The following PDE4B variants were observed in gnomAD, a reference collection of about 807,000 sequenced individuals.
The protein encoded by PDE4B is 3',5'-cyclic-AMP phosphodiesterase 4B.
Under a neutral mutation model 82.2 loss-of-function variants are expected in PDE4B, and 20 were observed. The observed-to-expected ratio is 0.24, with a 90% CI of 0.17 to 0.35. The LOEUF (loss-of-function observed/expected upper bound fraction) is 0.35, where lower values mean the gene tolerates loss of function less well. PDE4B is among the 10% of genes least tolerant of loss of function. PDE4B has a pLI of 1.00. For missense variants in PDE4B, 655 were observed against 907.2 expected, an observed-to-expected ratio of 0.72 and a Z score of 3.57; for synonymous variants, 320 against 318.9, an observed-to-expected ratio of 1.00 and a Z score of -0.04.
intron 1 of PDE4B, among the ~76,000 whole-genome samples, chr1:65,912,960 A>G (rs1486255215): frequency 6.6e-6 from 1 of 152,196 alleles, no homozygotes; most frequent in Non-Finnish European, 1.5e-5. Flanking sequence ...TGTAAAATGC[A>G]TGTTATTTTT....
chr1:66,004,729 A>T (rs996253451), intron 3 of PDE4B, among the ~76,000 whole-genome samples: 3 of 152,124 alleles, frequency 2.0e-5, no homozygotes, highest in African/African-American at 7.2e-5. Context: ...ACTTGTTTAT[A>T]TCAGAAAGTT....
chr1:66,239,207 T>C (rs1405434243), intron 3 of PDE4B, among the ~76,000 whole-genome samples: 8 of 152,210 alleles, frequency 5.3e-5, no homozygotes, highest in African/African-American at 1.4e-4. Context: ...CGATCTCTTA[T>C]GATAACTTTA....
chr1:66,187,687 T>G (rs988586432), intron 3 of PDE4B, among the ~76,000 whole-genome samples: 4 of 152,050 alleles, frequency 2.6e-5, no homozygotes, highest in Admixed American at 2.6e-4. Flanking sequence ...ATATCCCCTT[T>G]ATCATTTTTT....
chr1:65,909,605 T>G lies in PDE4B; in HGVS notation c.-70-3640T>G, dbSNP rs773729313. Among the ~76,000 whole-genome samples the G allele has an allele frequency of 3.3e-5, 5 of 152,212 alleles. No homozygotes were observed. In the East Asian group the frequency reaches 7.7e-4, roughly 23 times the overall value. On this transcript the variant is annotated intron_variant, in intron 1 of 16. Transcript: ENST00000341517. ...AAAGCATCTTTTAAGTGGTGAAATA[T>G]AAAACCACAGGGAAAACTATTAAAC...
intron 3 of PDE4B, among the ~76,000 whole-genome samples, chr1:66,015,781 A>C (rs1324369345): frequency 6.6e-6 from 1 of 151,960 alleles, no homozygotes; most frequent in Non-Finnish European, 1.5e-5. Flanking sequence ...GTTTGATTAG[A>C]ACTTCTCCTG....
At chr1:66,160,546 A>G (rs1646590885) in intron 3 of PDE4B, among the ~76,000 whole-genome samples, 1 of 152,190 alleles carries the variant, frequency 6.6e-6, no homozygotes, top group African/African-American at 2.4e-5. Flanking sequence ...AGTGCATTAC[A>G]TTGCCATTCT....
rs1646239647 is a variant in PDE4B, at chr1:66,144,871, C to T, written c.282-102589C>T. The stretch of plus-strand genomic sequence containing the variant: ...TGGAGAGGTATTCTCTTGGGAGACA[C>T]ATACATACCACCAGTGGACAGTTAT... On this transcript the variant is annotated intron_variant, in intron 3 of 16. Coordinates refer to ENST00000341517, the MANE Select transcript of PDE4B (RefSeq NM_002600.4). 2.0e-5 allele frequency among the ~76,000 whole-genome samples: 3 copies of T among 152,182 alleles called. No individual in the cohort carries two copies. The South Asian group carries it at 6.2e-4, about 31-fold the overall frequency.
rs190290375 is a variant in PDE4B, at chr1:65,834,197, G to A, written c.-71+40949G>A. ...GTAGCTGGGATTACAGGTGTCTGCC[G>A]TCATGCCCAGCTAATTTTTATATTT... On this transcript the variant is annotated intron_variant, in intron 1 of 16. Coordinates refer to ENST00000341517, the MANE Select transcript of PDE4B (RefSeq NM_002600.4). Among the ~76,000 whole-genome samples the A allele has an allele frequency of 5.6e-4, 85 of 152,126 alleles. 2 individuals carry two copies. The highest frequency in any genetic ancestry group is 3.4e-3 in the Middle Eastern group (1 of 294).
chr1:66,323,509 C>A (rs1350750191), intron 7 of PDE4B, among the ~76,000 whole-genome samples: 1 of 152,094 alleles, frequency 6.6e-6, no homozygotes, highest in Non-Finnish European at 1.5e-5. Context: ...CAGCACTATA[C>A]CCTTAGAGTT....
At chr1:66,181,580 T>C (rs562466045) in intron 3 of PDE4B, among the ~76,000 whole-genome samples, 2 of 152,312 alleles carry the variant, frequency 1.3e-5, no homozygotes, top group East Asian at 3.9e-4. Context: ...CTTGGCCAGG[T>C]TGACTTTCTA....
At chr1:65,806,576 C>T (rs61797036) in intron 1 of PDE4B, among the ~76,000 whole-genome samples, 16,574 of 152,202 alleles carry the variant, frequency 0.11, 1,116 homozygotes, top group South Asian at 0.16. Flanking sequence ...TCCTGAGTCA[C>T]TAATATCTGT....
At chr1:66,000,264 T>C (rs1651793030) in intron 3 of PDE4B, among the ~76,000 whole-genome samples, 1 of 152,248 alleles carries the variant, frequency 6.6e-6, no homozygotes, top group Admixed American at 6.5e-5. Context: ...ATCTACTTGT[T>C]ATTTTGCCTT....
intron 1 of PDE4B, among the ~76,000 whole-genome samples, chr1:65,796,623 G>T (rs1645634214): frequency 6.8e-6 from 1 of 146,202 alleles, no homozygotes; most frequent in Non-Finnish European, 1.5e-5. Flanking sequence ...AGTTTCTAGA[G>T]AATTTGTATT....
intron 3 of PDE4B, among the ~76,000 whole-genome samples, chr1:65,928,166 C>T (rs906901303): frequency 1.1e-4 from 17 of 150,508 alleles, no homozygotes; most frequent in African/African-American, 2.2e-4. Flanking sequence ...TTGTCGATAA[C>T]GTAGTGAGGT....
At chr1:65,885,637 C>G (rs1461928940) in intron 1 of PDE4B, among the ~76,000 whole-genome samples, 1 of 151,850 alleles carries the variant, frequency 6.6e-6, no homozygotes, top group Non-Finnish European at 1.5e-5. Context: ...CACATGTTCT[C>G]ACTCATAGGT....
At chr1:66,307,745 T>C (rs1658382030) in intron 7 of PDE4B, among the ~76,000 whole-genome samples, 2 of 152,140 alleles carry the variant, frequency 1.3e-5, no homozygotes, top group South Asian at 4.1e-4. Flanking sequence ...AATGGGAGAT[T>C]TCCAGGAATT....
At chr1:66,078,219 T>C (rs958530642) in intron 3 of PDE4B, among the ~76,000 whole-genome samples, 1 of 151,476 alleles carries the variant, frequency 6.6e-6, no homozygotes, top group Non-Finnish European at 1.5e-5. Context: ...TTTTTCAAGA[T>C]GGAGTCTTGC....
intron 7 of PDE4B, among the ~76,000 whole-genome samples, chr1:66,329,477 A>G (rs1334508559): frequency 3.9e-5 from 6 of 152,206 alleles, no homozygotes; most frequent in Admixed American, 2.6e-4. Flanking sequence ...GGGGCCCTGC[A>G]CTTTCATTTT....
intron 3 of PDE4B, among the ~76,000 whole-genome samples, chr1:65,954,021 C>G (rs1165028153): frequency 6.6e-6 from 1 of 152,054 alleles, no homozygotes; most frequent in East Asian, 1.9e-4. Flanking sequence ...GCCTCAGCCT[C>G]CCAGGTAGCT....
Sources: gnomAD v4.1 joint callset for allele counts (sites outside exome capture counted in the v4.1 genomes callset) on GRCh38, gnomAD v4.1.1 for gene constraint, MANE v1.5 for transcripts, NCBI Gene and HGNC (gene_info 2026-07-23, HGNC 2026-07-21) for gene names.